ZNF717: variants seen among roughly 807,000 people sequenced by gnomAD.
ZNF717 encodes zinc finger protein 717.
A neutral mutation model predicts 13.8 loss-of-function variants in ZNF717; 9 were observed. The ratio of observed to expected loss-of-function variants is 0.65; its 90% CI spans 0.39 to 1.14. The LOEUF (loss-of-function observed/expected upper bound fraction) is 1.14, where lower values mean the gene tolerates loss of function less well. ZNF717 is among the 50% of genes most tolerant of loss of function. ZNF717 has a pLI of 0.01. For missense variants in ZNF717, 1,040 were observed against 1,080.7 expected (o/e 0.96, Z 0.53); for synonymous variants, 327 against 364.1 (o/e 0.90, Z 1.16).
At chr3:75,774,619 T>TG (rs1944163980) in intron 2 of ZNF717, among the ~76,000 whole-genome samples, 8 of 139,200 alleles carry the variant, frequency 5.7e-5, no homozygotes, top group African/African-American at 2.2e-4. Context: ...GGTTTTTTTT[T>TG]TTTTTTTTTT....
At chr3:75,767,436 G>A (rs912140911) in intron 2 of ZNF717, among the ~76,000 whole-genome samples, 4 of 152,264 alleles carry the variant, frequency 2.6e-5, no homozygotes, top group African/African-American at 7.2e-5. Context: ...TAGATAACTG[G>A]AACAGAATAT....
chr3:75,764,338 G>A (rs1031695678), intron 2 of ZNF717, among the ~76,000 whole-genome samples: 1 of 152,140 alleles, frequency 6.6e-6, no homozygotes, highest in African/African-American at 2.4e-5. Flanking sequence ...GGCCTCAGTA[G>A]CAGTGGTCTA....
intron 2 of ZNF717, among the ~76,000 whole-genome samples, chr3:75,766,594 G>T (rs1219725107): frequency 6.6e-6 from 1 of 152,226 alleles, no homozygotes; most frequent in Non-Finnish European, 1.5e-5. Flanking sequence ...CACAATTATA[G>T]CTGGTGAATT....
At chr3:75,745,065 G>A (rs1233772180) in intron 2 of ZNF717, among the ~76,000 whole-genome samples, 2 of 151,848 alleles carry the variant, frequency 1.3e-5, no homozygotes, top group Non-Finnish European at 2.9e-5. Flanking sequence ...TGCTCCTGAG[G>A]TCTGAATGTT....
chr3:75,737,187 C>T lies in ZNF717; in HGVS notation c.2436G>A (p.Lys812=). Residue 812 remains lysine (K), a synonymous_variant, in exon 5 of 5, where the codon AAG becomes AAA. Transcript: ENST00000652011. ...TCCTACATTCTTTACATTCAAATGG[C>T]TTCTCACCTGTGTGAGTTCTCTGAT... ...TIHQRTHTGE[K]PFECKECRKT... is the part of the protein sequence containing the mutation. 17 of 1,556,026 alleles carry T rather than the reference C, an allele frequency of 1.1e-5. No homozygotes were observed. Among genetic ancestry groups the T allele is most frequent in the Non-Finnish European group, 1.5e-5 (17 of 1,149,828 alleles).
chr3:75,724,405 C>A (rs1393578399), intron 4 of ZNF717, among the ~76,000 whole-genome samples: 3 of 151,912 alleles, frequency 2.0e-5, no homozygotes, highest in African/African-American at 4.8e-5. Flanking sequence ...TACATCATCA[C>A]CCCTGGCTAA....
chr3:75,762,256 T>C (rs1450205959), intron 2 of ZNF717, among the ~76,000 whole-genome samples: 3 of 151,730 alleles, frequency 2.0e-5, no homozygotes, highest in Non-Finnish European at 4.4e-5. Flanking sequence ...CTGGTCAACA[T>C]GGAGAAACCC....
At chr3:75,774,448 C>T (rs901777754) in intron 2 of ZNF717, among the ~76,000 whole-genome samples, 8 of 151,844 alleles carry the variant, frequency 5.3e-5, no homozygotes, top group African/African-American at 9.7e-5. Context: ...CTACAGAGGC[C>T]CCTGAAACAC....
chr3:75,736,784 G>A lies in ZNF717; in HGVS notation c.*94C>T. On this transcript the variant is annotated 3_prime_UTR_variant, in exon 5 of 5. Transcript: ENST00000652011. Reference sequence around the variant, plus strand: ...ATGGTTAAGACCTTCTTGTTGGTAGGCCAGGAGGTAATGGTCACCATTTGT... The same window carrying A: ...ATGGTTAAGACCTTCTTGTTGGTAGACCAGGAGGTAATGGTCACCATTTGT... 5 of 1,332,756 alleles carry A rather than the reference G, an allele frequency of 3.8e-6. No individual in the cohort carries two copies. The highest frequency in any genetic ancestry group is 2.4e-4 in the Middle Eastern group (1 of 4,196). 82.6% of individuals were successfully genotyped at this position (1,332,756 alleles called of 1,614,324 possible).
intron 4 of ZNF717, among the ~76,000 whole-genome samples, chr3:75,722,449 T>C: frequency 6.6e-6 from 1 of 152,182 alleles, no homozygotes; most frequent in Non-Finnish European, 1.5e-5. Flanking sequence ...TGCAATATGT[T>C]GTTTTGACTA....
In ZNF717 at chr3:75,777,959, C is replaced by T. The variant is rs188740279; in HGVS notation, c.57+5347G>A. Among the ~76,000 whole-genome samples the T allele has an allele frequency of 3.5e-3, 507 of 146,128 alleles. 2 individuals carry two copies. Among genetic ancestry groups the T allele is most frequent in the African/African-American group, 0.012 (474 of 39,374 alleles). The stretch of plus-strand genomic sequence containing the variant: ...CTGGAAACCAAAACAATGGGAGTGA[C>T]GTGCTAAAACCGGAAACCAAAAAAA... On this transcript the variant is annotated intron_variant, in intron 2 of 4. Transcript: ENST00000652011.
rs1224404644 is a variant in ZNF717 at position 75,738,499 on chromosome 3, G to A, written c.1124C>T (p.Thr375Ile). The A allele has an allele frequency of 6.5e-7, 1 of 1,531,226 alleles. No homozygotes were observed. Among genetic ancestry groups the A allele is most frequent in the Non-Finnish European group, 8.8e-7 (1 of 1,132,438 alleles). 94.9% of individuals were successfully genotyped at this position (1,531,226 alleles called of 1,614,324 possible). The stretch of plus-strand genomic sequence containing the variant: ...AGTGAGAAGTGACTTACAGTGAAAA[G>A]TTTTTCCACATTCAATACATTTGTA... ...KPYKCIECGK[T>I]FHCKSLLTLH... Residue 375 changes from threonine to isoleucine, a missense_variant, in exon 5 of 5, where the codon ACT (threonine) becomes ATT (isoleucine). Physicochemically the swap from Thr to Ile is moderately conservative, Grantham distance 89. Around this residue, in one of 3 missense-constraint regions of ZNF717, gnomAD observed 873 missense variants for 832.8 expected, o/e 1.05. Coordinates refer to ENST00000652011, the MANE Select transcript of ZNF717 (RefSeq NM_001290208.3).
At chr3:75,765,035 ATGTGTGTG>A (rs150835839) in intron 2 of ZNF717, among the ~76,000 whole-genome samples, 2 of 81,796 alleles carry the variant, frequency 2.4e-5, no homozygotes, top group Admixed American at 1.3e-4. Flanking sequence ...ATATATGTAT[ATGTGTGTG>A]TGTGTGTGTG....
At chr3:75,782,393 G>C (rs1010819590) in intron 2 of ZNF717, among the ~76,000 whole-genome samples, 2 of 152,186 alleles carry the variant, frequency 1.3e-5, no homozygotes, top group Admixed American at 1.3e-4. Context: ...TTTCATCCAT[G>C]AATCAAGGAG....
rs1939761277 is a variant in ZNF717, at chr3:75,738,266, A to G, written c.1357T>C (p.Cys453Arg). 4 of 1,542,102 alleles carry G rather than the reference A, an allele frequency of 2.6e-6. No individual in the cohort carries two copies. The African/African-American group carries it at 5.5e-5, about 21-fold the overall frequency. Residue 453 changes from cysteine (C) to arginine (R), a missense_variant, in exon 5 of 5, where the codon TGT (cysteine) becomes CGT (arginine). By Grantham distance (180) the Cys-to-Arg change is radical (BLOSUM62 -3). This residue lies in a region of ZNF717 where 873 missense variants were observed against 832.8 expected (regional missense o/e 1.05). Coordinates refer to ENST00000652011, the MANE Select transcript of ZNF717 (RefSeq NM_001290208.3). The stretch of plus-strand genomic sequence containing the variant: ...ATAAAGGGTTTTCCACACTCATTAC[A>G]TTCATACGGTTTTTCCCCTGTGTGT... ...RTHTGEKPYE[C>R]NECGKPFINK... is the part of the protein sequence containing the mutation.
downstream of ZNF717, among the ~76,000 whole-genome samples, chr3:75,725,037 TC>T (rs1430332623): frequency 0.018 from 922 of 52,610 alleles, no homozygotes; most frequent in African/African-American, 0.039. Flanking sequence ...ATTTCCATTT[TC>T]CATCATGTTC....
At chr3:75,710,123 G>A (rs1937900168) in exon 6 of ZNF717, 1 of 147,858 alleles carries the variant, frequency 6.8e-6, no homozygotes, top group African/African-American at 2.4e-5. Flanking sequence ...TCTGTTAGGA[G>A]TTGTACTTTT....
chr3:75,714,119 A>C (rs1418892556), intron 5 of ZNF717, among the ~76,000 whole-genome samples: 1 of 152,146 alleles, frequency 6.6e-6, no homozygotes, highest in Non-Finnish European at 1.5e-5. Flanking sequence ...CCACTGAAGC[A>C]CAGTATCACA....
chr3:75,710,221 C>T (rs1937902714), exon 6 of ZNF717: 1 of 152,206 alleles, frequency 6.6e-6, no homozygotes, highest in Non-Finnish European at 1.5e-5. Flanking sequence ...TGCATAATGG[C>T]TTTGAGCCAT....
Sources: gnomAD v4.1 joint callset for allele counts (sites outside exome capture counted in the v4.1 genomes callset) on GRCh38, gnomAD v4.1.1 for gene constraint, gnomAD v4.1.1 regional missense constraint, MANE v1.5 for transcripts, NCBI Gene and HGNC (gene_info 2026-07-23, HGNC 2026-07-21) for gene names.